LRRC37A2: variants seen among roughly 807,000 people sequenced by gnomAD.
LRRC37A2 encodes the protein leucine-rich repeat-containing protein 37A2.
Under a neutral mutation model 68.8 loss-of-function variants are expected in LRRC37A2, and 9 were observed. The observed-to-expected ratio is 0.13, with a 90% confidence interval of 0.08 to 0.23. The LOEUF (loss-of-function observed/expected upper bound fraction) is 0.23. Among genes scored for constraint, LRRC37A2 ranks in the 10% least tolerant of loss-of-function variants. The pLI is 1.00. For missense variants in LRRC37A2, 168 were observed against 950.4 expected (o/e 0.18, Z 10.82); for synonymous variants, 63 against 367.6 (o/e 0.17, Z 9.48).
chr17:46,950,905 G>A, the LRRC37A2 span, among the ~76,000 whole-genome samples: 1 of 152,200 alleles, frequency 6.6e-6, no homozygotes, highest in Admixed American at 6.5e-5. Flanking sequence ...GACCCAGTCG[G>A]TGATGAGAGA....
At chr17:46,868,547 A>G in the LRRC37A2 span, among the ~76,000 whole-genome samples, 1,229 of 152,278 alleles carry the variant, frequency 8.1e-3, 16 homozygotes, top group African/African-American at 0.028. Context: ...AGTGAGCCGA[A>G]ATCTCAGCAC....
At chr17:46,787,841 A>G in the LRRC37A2 span, among the ~76,000 whole-genome samples, 1 of 152,102 alleles carries the variant, frequency 6.6e-6, no homozygotes. Context: ...CTGTAATCAC[A>G]GCTACCCTGG....
chr17:46,988,569 C>A, the LRRC37A2 span, among the ~76,000 whole-genome samples: 1 of 152,018 alleles, frequency 6.6e-6, no homozygotes, highest in African/African-American at 2.4e-5. Flanking sequence ...GATTCTGGAG[C>A]CTGTGAATCT....
At chr17:46,798,730 C>T in the LRRC37A2 span, among the ~76,000 whole-genome samples, 1,511 of 152,256 alleles carry the variant, frequency 9.9e-3, 23 homozygotes, top group African/African-American at 0.033. Context: ...TAAATCTACA[C>T]AGACCACTCC....
At chr17:46,841,165 C>T in the LRRC37A2 span, among the ~76,000 whole-genome samples, 1 of 152,216 alleles carries the variant, frequency 6.6e-6, no homozygotes, top group African/African-American at 2.4e-5. Flanking sequence ...TGAGCACCTA[C>T]TATGTGACAG....
the LRRC37A2 span, among the ~76,000 whole-genome samples, chr17:46,987,825 A>C: frequency 6.6e-6 from 1 of 152,246 alleles, no homozygotes. Context: ...GCATGCTATA[A>C]ACCTTATAGC....
chr17:46,779,385 C>G, the LRRC37A2 span, among the ~76,000 whole-genome samples: 1 of 152,152 alleles, frequency 6.6e-6, no homozygotes. Context: ...CCCTGCCAGG[C>G]CTTCGCAGCT....
the LRRC37A2 span, among the ~76,000 whole-genome samples, chr17:46,811,728 G>A: frequency 1.3e-5 from 2 of 152,220 alleles, no homozygotes; most frequent in African/African-American, 4.8e-5. Flanking sequence ...GCCGAGGCGG[G>A]TGGATTACCT....
At chr17:46,741,588 CA>C in the LRRC37A2 span, among the ~76,000 whole-genome samples, 13 of 144,788 alleles carry the variant, frequency 9.0e-5, no homozygotes, top group Admixed American at 6.9e-5. Context: ...CATTTAACTG[CA>C]AAAAAAAAAG....
At chr17:46,844,305 CTTTTT>C in the LRRC37A2 span, among the ~76,000 whole-genome samples, 3 of 127,416 alleles carry the variant, frequency 2.4e-5, no homozygotes, top group East Asian at 2.2e-4. Context: ...AGTTAGCCAC[CTTTTT>C]TTTTTTTTTT....
At chr17:46,826,934 G>A in the LRRC37A2 span, among the ~76,000 whole-genome samples, 1 of 152,012 alleles carries the variant, frequency 6.6e-6, no homozygotes, top group Non-Finnish European at 1.5e-5. Context: ...AAGCTACCAC[G>A]CCTGGATAAT....
the LRRC37A2 span, chr17:46,932,619 A>G: frequency 2.3e-5 from 8 of 343,238 alleles, no homozygotes; most frequent in East Asian, 3.8e-4. Context: ...CTCCAGTGTC[A>G]GGTGCATTAA....
At chr17:46,778,031 G>C in the LRRC37A2 span, among the ~76,000 whole-genome samples, 3 of 152,142 alleles carry the variant, frequency 2.0e-5, no homozygotes, top group African/African-American at 7.2e-5. Context: ...TTCTTTATCG[G>C]TAAAATAGAC....
the LRRC37A2 span, chr17:46,941,837 C>T: frequency 6.2e-6 from 4 of 643,404 alleles, no homozygotes; most frequent in South Asian, 6.9e-5. Context: ...CTGCCTGCTT[C>T]GGCCTCCCAA....
At chr17:46,869,947 T>C in the LRRC37A2 span, among the ~76,000 whole-genome samples, 1 of 151,788 alleles carries the variant, frequency 6.6e-6, no homozygotes, top group Non-Finnish European at 1.5e-5. Context: ...TACAGTGAGC[T>C]GAGATCACAC....
chr17:46,776,958 C>G, the LRRC37A2 span, among the ~76,000 whole-genome samples: 5 of 152,272 alleles, frequency 3.3e-5, no homozygotes, highest in Admixed American at 2.0e-4. Context: ...CAGGCCTGGG[C>G]ACCCTCAAGC....
At chr17:46,974,597 G>A in the LRRC37A2 span, among the ~76,000 whole-genome samples, 2 of 152,190 alleles carry the variant, frequency 1.3e-5, no homozygotes, top group Non-Finnish European at 2.9e-5. Flanking sequence ...AGCTGGGCGT[G>A]GTGGCGGGCG....
chr17:46,997,970 GAAAAAA>G, the LRRC37A2 span, among the ~76,000 whole-genome samples: 1 of 136,680 alleles, frequency 7.3e-6, no homozygotes, highest in Non-Finnish European at 1.6e-5. Flanking sequence ...AACTCCATCT[GAAAAAA>G]AAAAAAAAAA....
chr17:46,887,430 TAA>T, the LRRC37A2 span, among the ~76,000 whole-genome samples: 48 of 148,278 alleles, frequency 3.2e-4, no homozygotes, highest in Middle Eastern at 3.4e-3. Context: ...CCTCATTCAT[TAA>T]AAAAAAAAAA....
Sources: gnomAD v4.1 joint callset for allele counts (sites outside exome capture counted in the v4.1 genomes callset) on GRCh38, gnomAD v4.1.1 for gene constraint, MANE v1.5 for transcripts, NCBI Gene and HGNC (gene_info 2026-07-23, HGNC 2026-07-21) for gene names.